The following AGAP1 variants were observed in gnomAD, a reference collection of about 807,000 sequenced individuals.
AGAP1 encodes the protein ArfGAP with GTPase domain, ankyrin repeat and PH domain 1, also known as arf-GAP with GTPase, ANK repeat and PH domain-containing protein 1.
Under a neutral mutation model 105.3 loss-of-function variants are expected in AGAP1, and 29 were observed. The ratio of observed to expected loss-of-function variants is 0.28; its 90% CI spans 0.21 to 0.38. The LOEUF (loss-of-function observed/expected upper bound fraction) is 0.38, where lower values mean the gene tolerates loss of function less well. Ranked by LOEUF, AGAP1 falls within the 10% of genes least tolerant of loss-of-function variation. AGAP1 has a pLI of 1.00. For synonymous variants in AGAP1, 509 were observed against 485.9 expected, an observed-to-expected ratio of 1.05 and a Z score of -0.63; for missense variants, 998 against 1,165.1, an observed-to-expected ratio of 0.86 and a Z score of 2.09.
chr2:235,553,883 G>A lies in AGAP1; in HGVS notation c.163+59034G>A, dbSNP rs571542460. Among the ~76,000 whole-genome samples the A allele has an allele frequency of 2.6e-5, 4 of 152,224 alleles. No homozygotes were observed. The highest frequency in any genetic ancestry group is 2.1e-4 in the South Asian group (1 of 4,832). ...AAAGGAACTTCCACGTAAGGATCCC[G>A]AAGCACGGTTGCCTCCGCCTCCCAC... is the stretch of plus-strand genomic sequence containing the variant. On this transcript the variant is annotated intron_variant, in intron 1 of 17. Coordinates refer to ENST00000304032, the MANE Select transcript of AGAP1 (RefSeq NM_001037131.3). The surrounding 1 kb of genome is among the most constrained non-coding windows in gnomAD (Gnocchi z 4.5).
Position 235,751,277 on chromosome 2 carries a change from G to C in AGAP1, c.673+789G>C, listed in dbSNP as rs1484894050. On this transcript the variant is annotated intron_variant, in intron 6 of 17. Transcript: ENST00000304032. This position sits in a 1 kb window ranked among gnomAD's most constrained non-coding sequence, Gnocchi z 5.3. ...CAGTCTTTTCAAGTTGGAAGCTTGG[G>C]AGAGGCATGGTTCTGGCAGAGGGTC... Among the ~76,000 whole-genome samples, 1 of 152,200 alleles carries C rather than the reference G, an allele frequency of 6.6e-6. No individual in the cohort carries two copies. Among genetic ancestry groups the C allele is most frequent in the African/African-American group, 2.4e-5 (1 of 41,442 alleles).
intron 1 of AGAP1, chr2:235,669,753 C>G (rs988113522): frequency 2.7e-5 from 4 of 148,008 alleles, no homozygotes; most frequent in African/African-American, 9.7e-5. Context: ...AGGATGCGCA[C>G]GGGCCCCGCG....
At chr2:235,820,228 G>T (rs776022952) in intron 9 of AGAP1, among the ~76,000 whole-genome samples, 41 of 152,226 alleles carry the variant, frequency 2.7e-4, no homozygotes, top group Non-Finnish European at 5.0e-4. Flanking sequence ...GATTTTGTTT[G>T]TTTAAAAGAA....
rs576176686 is a variant in AGAP1, at chr2:235,891,000, G to A, written c.1155+7551G>A. Among the ~76,000 whole-genome samples the A allele has an allele frequency of 2.7e-4, 40 of 149,482 alleles. No homozygotes were observed. The East Asian group carries it at 7.0e-3, about 26-fold the overall frequency. The stretch of plus-strand genomic sequence containing the variant: ...CTTTCTCAAGATGCTATTATTAAAT[G>A]AAACCAAAACCCAGTTGAGATAACA... On this transcript the variant is annotated intron_variant, in intron 10 of 17. Transcript: ENST00000304032.
rs1955248377 is a variant in AGAP1 at position 235,769,542 on chromosome 2, TAAAG to T, written c.673+19058_673+19061del. 6.6e-6 allele frequency among the ~76,000 whole-genome samples: 1 copy of T among 152,236 alleles called. No homozygotes were observed. Among genetic ancestry groups the T allele is most frequent in the Non-Finnish European group, 1.5e-5 (1 of 68,046 alleles). Reference sequence around the variant, plus strand: ...GCAGGCCCTTTGCCCAAATGGTTGTTAAAGAAATGCAAACAGTTAGTTGTTCCGT... The same window carrying T: ...GCAGGCCCTTTGCCCAAATGGTTGTTAAATGCAAACAGTTAGTTGTTCCGT... On this transcript the variant is annotated intron_variant, in intron 6 of 17. Transcript: ENST00000304032. The surrounding 1 kb of genome is among the most constrained non-coding windows in gnomAD (Gnocchi z 4.4).
chr2:235,533,143 G>A (rs1426965917), intron 1 of AGAP1, among the ~76,000 whole-genome samples: 1 of 152,182 alleles, frequency 6.6e-6, no homozygotes, highest in Non-Finnish European at 1.5e-5. Context: ...TGGAGTTACA[G>A]CTCTGCTGTG....
At chr2:236,097,885 C>T (rs966174815) in intron 16 of AGAP1, among the ~76,000 whole-genome samples, 3 of 152,160 alleles carry the variant, frequency 2.0e-5, no homozygotes, top group Admixed American at 6.5e-5. Context: ...TCCCGACTCC[C>T]GGCACCTCAT....
intron 1 of AGAP1, among the ~76,000 whole-genome samples, chr2:235,668,311 G>C (rs1261627463): frequency 6.6e-6 from 1 of 152,148 alleles, no homozygotes; most frequent in Non-Finnish European, 1.5e-5. Flanking sequence ...TCCTTCAAAA[G>C]AGAGCTTGCC....
rs1951624619 is a variant in AGAP1 at position 235,725,986 on chromosome 2, T to C, written c.310+8342T>C. Among the ~76,000 whole-genome samples the C allele has an allele frequency of 6.6e-6, 1 of 152,222 alleles. No individual in the cohort carries two copies. Among genetic ancestry groups the C allele is most frequent in the African/African-American group, 2.4e-5 (1 of 41,460 alleles). On this transcript the variant is annotated intron_variant, in intron 3 of 17. Coordinates refer to ENST00000304032, the MANE Select transcript of AGAP1 (RefSeq NM_001037131.3). The surrounding 1 kb of genome is among the most constrained non-coding windows in gnomAD (Gnocchi z 5.7). ...TAAAATCAGAATAAGGAGATAGTCA[T>C]GTTTTTGGCATTGATGAAATTGGCA... is the stretch of plus-strand genomic sequence containing the variant.
chr2:235,984,767 G>C (rs1484736083), intron 13 of AGAP1, among the ~76,000 whole-genome samples: 1 of 152,016 alleles, frequency 6.6e-6, no homozygotes, highest in Non-Finnish European at 1.5e-5. Context: ...CCATGTCCTT[G>C]CAAAGGACAT....
At chr2:235,527,562 G>A (rs959702975) in intron 1 of AGAP1, among the ~76,000 whole-genome samples, 1 of 151,926 alleles carries the variant, frequency 6.6e-6, no homozygotes, top group East Asian at 1.9e-4. Context: ...TATTTTTTGC[G>A]TTTTTTTGTA....
In AGAP1 at chr2:235,855,950, G is replaced by A. The variant is rs552766747; in HGVS notation, c.1051-27395G>A. 6.6e-6 allele frequency among the ~76,000 whole-genome samples: 1 copy of A among 152,114 alleles called. No individual in the cohort carries two copies. The highest frequency in any genetic ancestry group is 1.9e-4 in the East Asian group (1 of 5,182). On this transcript the variant is annotated intron_variant, in intron 9 of 17. Transcript: ENST00000304032. This position sits in a 1 kb window ranked among gnomAD's most constrained non-coding sequence, Gnocchi z 5.0. The stretch of plus-strand genomic sequence containing the variant: ...TTCTTTTGAGATGGAGTCTCGCTCT[G>A]TCACCCAGGCTGGAGTGCAATGGCA...
intron 1 of AGAP1, among the ~76,000 whole-genome samples, chr2:235,641,844 A>G (rs1947208472): frequency 6.6e-6 from 1 of 152,210 alleles, no homozygotes; most frequent in Non-Finnish European, 1.5e-5. Context: ...GTGCACAGGT[A>G]TGACCTGATT....
intron 1 of AGAP1, among the ~76,000 whole-genome samples, chr2:235,688,331 G>A (rs1949567852): frequency 6.6e-6 from 1 of 152,078 alleles, no homozygotes; most frequent in Admixed American, 6.5e-5. Context: ...TGTCTGTTTG[G>A]GGAGCAGGTG....
Position 235,729,709 on chromosome 2 carries a change from C to T in AGAP1, c.311-11254C>T, listed in dbSNP as rs146720667. Among the ~76,000 whole-genome samples, 539 of 152,182 alleles carry T rather than the reference C, an allele frequency of 3.5e-3. 7 individuals carry two copies. The highest frequency in any genetic ancestry group is 0.012 in the African/African-American group (508 of 41,474). Reference sequence around the variant, plus strand: ...CACAGGATTGTAAGAATTACAAATGCGTTTTCCAGAGTCCCCAGAGAAAAA... The same window carrying T: ...CACAGGATTGTAAGAATTACAAATGTGTTTTCCAGAGTCCCCAGAGAAAAA... On this transcript the variant is annotated intron_variant, in intron 3 of 17. Transcript: ENST00000304032. This position sits in a 1 kb window ranked among gnomAD's most constrained non-coding sequence, Gnocchi z 5.0.
At chr2:235,925,957 T>C (rs930612626) in intron 11 of AGAP1, among the ~76,000 whole-genome samples, 1 of 152,174 alleles carries the variant, frequency 6.6e-6, no homozygotes, top group Admixed American at 6.5e-5. Flanking sequence ...TTCCAGTGAG[T>C]GAAAACAGTT....
Position 235,746,376 on chromosome 2 carries a change from A to AC in AGAP1, c.538+1538dup, listed in dbSNP as rs1559427667. ...GGCTTCCTGGAGAGCACCTCCCCCAACTTTTTTTTTTTTTTTTTTTTTTTT... is the reference window on the plus strand; with the variant it reads ...GGCTTCCTGGAGAGCACCTCCCCCAACCTTTTTTTTTTTTTTTTTTTTTTTT... On this transcript the variant is annotated intron_variant, in intron 5 of 17. Transcript: ENST00000304032. Among the ~76,000 whole-genome samples the AC allele has an allele frequency of 4.9e-3, 216 of 44,084 alleles. 2 individuals are homozygous for AC. Among genetic ancestry groups the AC allele is most frequent in the African/African-American group, 0.02 (210 of 10,602 alleles). The allele number at this position is 44,084 out of a possible 152,430, so 28.9% of individuals were successfully genotyped here. A position where few individuals can be genotyped will look rare whatever the true frequency, so the allele number is the denominator to read the frequency against.
rs140271924 is a variant in AGAP1, at chr2:235,992,377, T to C, written c.1645+23754T>C. ...TCAGGTTGTCTACCTCCAAGACTGT[T>C]GTCAGGATTCACTCAATGAACTCCT... On this transcript the variant is annotated intron_variant, in intron 13 of 17. Coordinates refer to ENST00000304032, the MANE Select transcript of AGAP1 (RefSeq NM_001037131.3). This position sits in a 1 kb window ranked among gnomAD's most constrained non-coding sequence, Gnocchi z 4.8. 7.9e-5 allele frequency among the ~76,000 whole-genome samples: 12 copies of C among 152,302 alleles called. No homozygotes were observed. Among genetic ancestry groups the C allele is most frequent in the East Asian group, 7.7e-4 (4 of 5,180 alleles).
At chr2:235,617,512 G>A (rs1441108181) in intron 1 of AGAP1, among the ~76,000 whole-genome samples, 3 of 152,114 alleles carry the variant, frequency 2.0e-5, no homozygotes, top group Admixed American at 1.3e-4. Context: ...GACTAGCCTG[G>A]CCAACATGGT....
Sources: gnomAD v4.1 joint callset for allele counts (sites outside exome capture counted in the v4.1 genomes callset) on GRCh38, gnomAD v4.1.1 for gene constraint, Gnocchi (gnomAD v3.1) non-coding constraint, MANE v1.5 for transcripts, NCBI Gene and HGNC (gene_info 2026-07-23, HGNC 2026-07-21) for gene names.